The following PDGFRL variants were observed in gnomAD, a reference collection of about 807,000 sequenced individuals.
PDGFRL encodes the protein platelet derived growth factor receptor like.
In PDGFRL, 46 loss-of-function variants were observed where a neutral mutation model predicts 37.2. The ratio of observed to expected loss-of-function variants is 1.24; its 90% CI spans 0.98 to 1.58. PDGFRL has a LOEUF of 1.58. Among genes scored for constraint, PDGFRL ranks in the 40% most tolerant of loss-of-function variants. The pLI, the probability that PDGFRL is intolerant of heterozygous loss-of-function variation, is 0.00. For synonymous variants in PDGFRL, 251 were observed against 184.3 expected (o/e 1.36, Z -2.93); for missense variants, 692 against 467.6 (o/e 1.48, Z -4.43).
At chr8:17,612,437 T>C (rs574637316) in intron 2 of PDGFRL, among the ~76,000 whole-genome samples, 1 of 152,286 alleles carries the variant, frequency 6.6e-6, no homozygotes, top group Non-Finnish European at 1.5e-5. Flanking sequence ...AGTGGCATGA[T>C]CTCAGCTCAC....
intron 4 of PDGFRL, among the ~76,000 whole-genome samples, chr8:17,631,658 G>T (rs1804863422): frequency 6.6e-6 from 1 of 151,992 alleles, no homozygotes; most frequent in South Asian, 2.1e-4. Flanking sequence ...CTTCTCCCTT[G>T]ACTTCCACCA....
At chr8:17,640,783 T>C (rs1407470166) in intron 5 of PDGFRL, among the ~76,000 whole-genome samples, 2 of 152,130 alleles carry the variant, frequency 1.3e-5, no homozygotes, top group Non-Finnish European at 2.9e-5. Context: ...AAAGACAGCA[T>C]TAGCTGCAGT....
At chr8:17,612,464 G>A (rs924265939) in intron 2 of PDGFRL, among the ~76,000 whole-genome samples, 19 of 152,070 alleles carry the variant, frequency 1.2e-4, no homozygotes, top group Non-Finnish European at 2.2e-4. Context: ...TCTGCCTCCC[G>A]GGTTCAAGCT....
chr8:17,642,459 A>T lies in PDGFRL; in HGVS notation c.940-154A>T, dbSNP rs142034145. Among the ~76,000 whole-genome samples the T allele has an allele frequency of 6.0e-3, 910 of 152,338 alleles. 1 individual carries two copies. Among genetic ancestry groups the T allele is most frequent in the Non-Finnish European group, 9.2e-3 (628 of 68,034 alleles). On this transcript the variant is annotated intron_variant, in intron 5 of 5. Transcript: ENST00000251630. ...CAACCTAAAATGATTCCAGTGTAGAAGCTTCCACAGCTTATGAGCTACGCA... is the reference window on the plus strand; with the variant it reads ...CAACCTAAAATGATTCCAGTGTAGATGCTTCCACAGCTTATGAGCTACGCA...
chr8:17,602,120 C>A (rs944949429), intron 2 of PDGFRL, among the ~76,000 whole-genome samples: 3 of 151,962 alleles, frequency 2.0e-5, no homozygotes, highest in Non-Finnish European at 4.4e-5. Flanking sequence ...ACCTTGACGG[C>A]ATCTGTTATT....
At chr8:17,604,785 G>A (rs781068668) in intron 2 of PDGFRL, among the ~76,000 whole-genome samples, 9 of 152,110 alleles carry the variant, frequency 5.9e-5, no homozygotes, top group Non-Finnish European at 1.2e-4. Context: ...GCAATTATGA[G>A]TCGAGGATTT....
At chr8:17,584,296 T>C (rs1803769888) in intron 1 of PDGFRL, among the ~76,000 whole-genome samples, 1 of 152,148 alleles carries the variant, frequency 6.6e-6, no homozygotes, top group Non-Finnish European at 1.5e-5. Flanking sequence ...ATGCTAAATT[T>C]GAGATGCTAA....
Position 17,643,032 on chromosome 8 carries a change from ACG to A in PDGFRL, c.*232_*233del. 2 of 437,128 alleles carry A rather than the reference ACG, an allele frequency of 4.6e-6. No individual in the cohort carries two copies. The highest frequency in any genetic ancestry group is 1.1e-4 in the South Asian group (2 of 18,208). The allele number at this position is 437,128 out of a possible 1,614,324, so 27.1% of individuals were successfully genotyped here. A position where few individuals can be genotyped will look rare whatever the true frequency, so the allele number is the denominator to read the frequency against. Reference sequence around the variant, plus strand: ...CATGATTTTGATTGCTTACCTACATACGTGTTCCTAGTTTTTATACATGTGTA... The same window carrying A: ...CATGATTTTGATTGCTTACCTACATATGTTCCTAGTTTTTATACATGTGTA... On this transcript the variant is annotated 3_prime_UTR_variant, in exon 6 of 6. Coordinates refer to ENST00000251630, the MANE Select transcript of PDGFRL (RefSeq NM_001372073.1).
At chr8:17,612,307 G>A (rs1278266080) in intron 2 of PDGFRL, among the ~76,000 whole-genome samples, 2 of 152,052 alleles carry the variant, frequency 1.3e-5, no homozygotes, top group African/African-American at 4.8e-5. Flanking sequence ...TACTTGTTTT[G>A]CTTTTATTAT....
At chr8:17,641,433 C>T (rs11780427) in intron 5 of PDGFRL, among the ~76,000 whole-genome samples, 70,620 of 151,954 alleles carry the variant, frequency 0.46, 17,817 homozygotes, top group Non-Finnish European at 0.57. Flanking sequence ...AAATGGCTTC[C>T]TTGGGGACTG....
intron 1 of PDGFRL, among the ~76,000 whole-genome samples, chr8:17,577,728 C>T (rs573705714): frequency 6.0e-4 from 91 of 151,760 alleles, no homozygotes; most frequent in African/African-American, 2.2e-3. Context: ...CTAAGCTCGG[C>T]AATCGCTGAT....
chr8:17,599,799 A>G (rs1804129306), intron 2 of PDGFRL, among the ~76,000 whole-genome samples: 1 of 152,158 alleles, frequency 6.6e-6, no homozygotes, highest in Non-Finnish European at 1.5e-5. Flanking sequence ...AGTTTCTCTG[A>G]TCATATGTCC....
chr8:17,584,740 C>G (rs1431945269), intron 1 of PDGFRL, among the ~76,000 whole-genome samples: 2 of 144,860 alleles, frequency 1.4e-5, no homozygotes, highest in Non-Finnish European at 3.0e-5. Context: ...TTTAAAGATA[C>G]TTTAAACAGT....
rs145291343 is a variant in PDGFRL, at chr8:17,611,653, A to C, written c.354-9398A>C. Among the ~76,000 whole-genome samples, 699 of 152,300 alleles carry C rather than the reference A, an allele frequency of 4.6e-3. 10 individuals carry two copies. The highest frequency in any genetic ancestry group is 0.016 in the African/African-American group (672 of 41,572). ...CTAAAGACACCGGGTTACTCAGCTT[A>C]AGGGCTGGGAGAGCAAAGGAGCTGG... On this transcript the variant is annotated intron_variant, in intron 2 of 5. Coordinates refer to ENST00000251630, the MANE Select transcript of PDGFRL (RefSeq NM_001372073.1).
intron 2 of PDGFRL, among the ~76,000 whole-genome samples, chr8:17,617,876 A>C (rs148160134): frequency 1.6e-4 from 24 of 152,292 alleles, no homozygotes; most frequent in African/African-American, 4.6e-4. Flanking sequence ...GAAGATGCGC[A>C]GTGAATTTAC....
intron 2 of PDGFRL, among the ~76,000 whole-genome samples, chr8:17,598,113 A>G (rs1804091756): frequency 6.6e-6 from 1 of 152,218 alleles, no homozygotes; most frequent in African/African-American, 2.4e-5. Flanking sequence ...AATTTACTCA[A>G]TAAGGATAAA....
chr8:17,594,915 C>G (rs1281658580), intron 2 of PDGFRL, among the ~76,000 whole-genome samples: 1 of 152,202 alleles, frequency 6.6e-6, no homozygotes, highest in African/African-American at 2.4e-5. Flanking sequence ...GTTGTGAATG[C>G]TGCAGTGAAC....
intron 2 of PDGFRL, among the ~76,000 whole-genome samples, chr8:17,597,247 T>C (rs1288815823): frequency 6.6e-6 from 1 of 152,182 alleles, no homozygotes; most frequent in East Asian, 1.9e-4. Context: ...TCTACACCTC[T>C]TGGCCTCAAG....
chr8:17,615,993 C>A (rs554335047), intron 2 of PDGFRL, among the ~76,000 whole-genome samples: 1 of 152,218 alleles, frequency 6.6e-6, no homozygotes, highest in Admixed American at 6.5e-5. Context: ...AGCTTGGCAG[C>A]GTGCCTGCAC....
Sources: gnomAD v4.1 joint callset for allele counts (sites outside exome capture counted in the v4.1 genomes callset) on GRCh38, gnomAD v4.1.1 for gene constraint, MANE v1.5 for transcripts, NCBI Gene and HGNC (gene_info 2026-07-23, HGNC 2026-07-21) for gene names.